Variants in ERBB4 observed in about 807,000 individuals in gnomAD.
The protein encoded by ERBB4 is receptor tyrosine-protein kinase erbB-4.
In ERBB4, 42 loss-of-function variants were observed where a neutral mutation model predicts 158.0. That is an observed-to-expected ratio of 0.27 (90% CI 0.21 to 0.34). The LOEUF is 0.34. ERBB4 is among the 10% of genes least tolerant of loss of function. ERBB4 has a pLI of 1.00. For synonymous variants in ERBB4, 583 were observed against 558.7 expected, an observed-to-expected ratio of 1.04 and a Z score of -0.61; for missense variants, 1,333 against 1,624.1, an observed-to-expected ratio of 0.82 and a Z score of 3.08.
intron 3 of ERBB4, among the ~76,000 whole-genome samples, chr2:211,815,048 AG>A: frequency 6.6e-6 from 1 of 152,284 alleles, no homozygotes; most frequent in South Asian, 2.1e-4. Flanking sequence ...TCCTCTCAAA[AG>A]GCTTCTCGCA....
chr2:211,520,227 G>A (rs1303305470), intron 20 of ERBB4, among the ~76,000 whole-genome samples: 2 of 152,090 alleles, frequency 1.3e-5, no homozygotes, highest in African/African-American at 4.8e-5. Flanking sequence ...CATACGGGGT[G>A]TTTGCATTTC....
intron 1 of ERBB4, among the ~76,000 whole-genome samples, chr2:212,383,703 G>C (rs975528387): frequency 1.3e-5 from 2 of 151,628 alleles, no homozygotes; most frequent in African/African-American, 4.8e-5. Flanking sequence ...ACTGAAGAAA[G>C]CTTTGTGAAA....
chr2:212,454,295 T>C (rs1688167698), intron 1 of ERBB4, among the ~76,000 whole-genome samples: 1 of 152,178 alleles, frequency 6.6e-6, no homozygotes, highest in African/African-American at 2.4e-5. Flanking sequence ...TGGCAATTTG[T>C]CTTCTTTTCC....
At chr2:211,471,502 G>A (rs747122792) in intron 20 of ERBB4, among the ~76,000 whole-genome samples, 1 of 151,942 alleles carries the variant, frequency 6.6e-6, no homozygotes, top group African/African-American at 2.4e-5. Context: ...ATAAAGCAGC[G>A]CCAAAAAAAA....
chr2:211,993,351 C>G (rs765743877), intron 2 of ERBB4, among the ~76,000 whole-genome samples: 1 of 152,166 alleles, frequency 6.6e-6, no homozygotes, highest in African/African-American at 2.4e-5. Flanking sequence ...CAAGGAGAGA[C>G]GCCTCAGGAG....
At chr2:212,481,118 A>C (rs114078782) in intron 1 of ERBB4, among the ~76,000 whole-genome samples, 1,815 of 152,176 alleles carry the variant, frequency 0.012, 36 homozygotes, top group African/African-American at 0.041. Flanking sequence ...GTATTGTATT[A>C]TATATCTCTT....
intron 3 of ERBB4, among the ~76,000 whole-genome samples, chr2:211,898,795 C>A (rs72933731): frequency 6.6e-6 from 1 of 151,968 alleles, no homozygotes; most frequent in Non-Finnish European, 1.5e-5. Context: ...GCTGTTGAAA[C>A]CTCCTGTAGT....
intron 1 of ERBB4, among the ~76,000 whole-genome samples, chr2:212,241,965 T>C (rs1188003790): frequency 6.6e-6 from 1 of 150,926 alleles, no homozygotes; most frequent in Non-Finnish European, 1.5e-5. Context: ...ATAGGAGTCA[T>C]AATTTGATGA....
At chr2:211,528,917 G>T (rs2125656666) in intron 20 of ERBB4, among the ~76,000 whole-genome samples, 1 of 151,694 alleles carries the variant, frequency 6.6e-6, no homozygotes, top group African/African-American at 2.4e-5. Flanking sequence ...AAAACTTCAA[G>T]AAAATAACCT....
At chr2:211,580,715 C>T (rs565798081) in intron 19 of ERBB4, among the ~76,000 whole-genome samples, 1 of 145,834 alleles carries the variant, frequency 6.9e-6, no homozygotes, top group Non-Finnish European at 1.5e-5. Context: ...TTTATAGCAG[C>T]ACAATTTGCA....
intron 3 of ERBB4, among the ~76,000 whole-genome samples, chr2:211,854,225 C>T (rs1487596721): frequency 6.6e-6 from 1 of 151,866 alleles, no homozygotes; most frequent in Non-Finnish European, 1.5e-5. Flanking sequence ...ATCAAGGAGT[C>T]CATAGTTAGA....
chr2:211,875,953 G>T (rs975112140), intron 3 of ERBB4, among the ~76,000 whole-genome samples: 23 of 152,198 alleles, frequency 1.5e-4, no homozygotes, highest in Middle Eastern at 3.4e-3. Flanking sequence ...ATACCATTTA[G>T]ATTTGTGTAA....
chr2:212,122,091 CAT>C (rs1413526278), intron 2 of ERBB4, among the ~76,000 whole-genome samples: 162 of 150,804 alleles, frequency 1.1e-3, no homozygotes, highest in African/African-American at 3.7e-3. Context: ...ACACACCCCA[CAT>C]ACAAACACAT....
In ERBB4 at chr2:211,722,412, G is replaced by A; in HGVS notation, c.864C>T (p.Phe288=). The A allele has an allele frequency of 6.2e-7, 1 of 1,613,386 alleles. No homozygotes were observed. Among genetic ancestry groups the A allele is most frequent in the Non-Finnish European group, 8.5e-7 (1 of 1,179,346 alleles). ...NFNAKYTYGA[F]CVKKCPHNFV... is the part of the protein sequence containing the mutation. ...ACTTACGTGGACATTTCTTGACACA[G>A]AATGCTCCATATGTGTACTTTGCAT... Residue 288 remains phenylalanine, a synonymous_variant, in exon 7 of 28, where the codon TTC becomes TTT. Transcript: ENST00000342788.
At position 212,331,058 on chromosome 2, in the gene ERBB4, G is replaced by GTATATATATATATATATATA; in HGVS notation, c.83-206156_83-206155insTATATATATATATATATATA. ...AGTAAGTTTCCCATATTTGTAATTT[G>GTATATATATATATATATATA]TATATATATATATACACATATATAT... is the stretch of plus-strand genomic sequence containing the variant. On this transcript the variant is annotated intron_variant, in intron 1 of 27. Coordinates refer to ENST00000342788, the MANE Select transcript of ERBB4 (RefSeq NM_005235.3). Among the ~76,000 whole-genome samples, 51 of 56,304 alleles carry GTATATATATATATATATATA rather than the reference G, an allele frequency of 9.1e-4. 6 individuals carry two copies. Among genetic ancestry groups the GTATATATATATATATATATA allele is most frequent in the South Asian group, 2.2e-3 (3 of 1,380 alleles). 36.9% of individuals were successfully genotyped at this position (56,304 alleles called of 152,430 possible). A position where few individuals can be genotyped will look rare whatever the true frequency, so the allele number is the denominator to read the frequency against.
At chr2:212,220,154 C>T (rs2083247557) in intron 1 of ERBB4, among the ~76,000 whole-genome samples, 1 of 151,382 alleles carries the variant, frequency 6.6e-6, no homozygotes. Flanking sequence ...ATGTAGTCAT[C>T]ATAATGCAAA....
chr2:211,804,376 G>A (rs2076566588), intron 3 of ERBB4, among the ~76,000 whole-genome samples: 1 of 152,214 alleles, frequency 6.6e-6, no homozygotes, highest in East Asian at 1.9e-4. Flanking sequence ...GAGTAGACGT[G>A]GCATAGGAGA....
intron 2 of ERBB4, among the ~76,000 whole-genome samples, chr2:211,971,258 T>C (rs1192334001): frequency 2.0e-5 from 3 of 152,166 alleles, no homozygotes; most frequent in Non-Finnish European, 2.9e-5. Flanking sequence ...TTAGTCTGAC[T>C]GGCTTCCCTT....
chr2:211,691,140 G>T (rs370699347), intron 12 of ERBB4, among the ~76,000 whole-genome samples: 46 of 152,270 alleles, frequency 3.0e-4, no homozygotes, highest in East Asian at 2.7e-3. Flanking sequence ...TAAAAGCTGA[G>T]AAGTACTGTT....
Sources: gnomAD v4.1 joint callset for allele counts (sites outside exome capture counted in the v4.1 genomes callset) on GRCh38, gnomAD v4.1.1 for gene constraint, MANE v1.5 for transcripts, NCBI Gene and HGNC (gene_info 2026-07-23, HGNC 2026-07-21) for gene names.